ADGRL3: variants seen among roughly 807,000 people sequenced by gnomAD.
The protein encoded by ADGRL3 is calcium-independent alpha-latrotoxin receptor 3.
ADGRL3 carries 62 observed loss-of-function variants against 153.5 expected under a neutral mutation model. That is an observed-to-expected ratio of 0.40 (90% CI 0.33 to 0.50). The LOEUF (loss-of-function observed/expected upper bound fraction) is 0.50. Among genes scored for constraint, ADGRL3 ranks in the 20% least tolerant of loss-of-function variants. ADGRL3 has a pLI of 0.47. For missense variants in ADGRL3, 1,641 were observed against 1,859.4 expected (o/e 0.88, Z 2.16); for synonymous variants, 710 against 672.5 (o/e 1.06, Z -0.86).
intron 1 of ADGRL3, among the ~76,000 whole-genome samples, chr4:61,272,658 CT>C (rs2093257276): frequency 6.6e-6 from 1 of 152,062 alleles, no homozygotes; most frequent in Non-Finnish European, 1.5e-5. Context: ...AACATTGATT[CT>C]GCTGTTTTAT....
At chr4:61,552,740 C>T (rs2098745998) in intron 4 of ADGRL3, among the ~76,000 whole-genome samples, 1 of 152,040 alleles carries the variant, frequency 6.6e-6, no homozygotes, top group Admixed American at 6.6e-5. Context: ...AGATGCTGGA[C>T]TTATAGGCAT....
chr4:61,312,844 A>AT (rs1578224231), intron 1 of ADGRL3, among the ~76,000 whole-genome samples: 1 of 152,186 alleles, frequency 6.6e-6, no homozygotes, highest in African/African-American at 2.4e-5. Context: ...TACTCTTACC[A>AT]TACTATTCAG....
intron 3 of ADGRL3, among the ~76,000 whole-genome samples, chr4:61,505,335 A>T (rs1486970053): frequency 2.0e-5 from 3 of 152,024 alleles, no homozygotes; most frequent in African/African-American, 7.2e-5. Flanking sequence ...TTGTCAGATG[A>T]TAGTTTGCAA....
intron 4 of ADGRL3, among the ~76,000 whole-genome samples, chr4:61,542,565 C>T (rs750168847): frequency 3.3e-5 from 5 of 152,216 alleles, no homozygotes; most frequent in East Asian, 1.9e-4. Flanking sequence ...AATGCAGTCG[C>T]GATTGTACTA....
At chr4:61,673,640 A>T (rs1040267605) in intron 5 of ADGRL3, among the ~76,000 whole-genome samples, 2 of 151,588 alleles carry the variant, frequency 1.3e-5, no homozygotes, top group African/African-American at 4.8e-5. Flanking sequence ...AACTGAAGTC[A>T]TTTAAAAAAA....
chr4:61,929,601 C>G (rs755300989), intron 13 of ADGRL3, among the ~76,000 whole-genome samples: 2 of 152,138 alleles, frequency 1.3e-5, no homozygotes, highest in African/African-American at 2.4e-5. Context: ...ATCCCTCAGC[C>G]AAGAGTTAGG....
chr4:61,841,730 T>C (rs1189378459), intron 9 of ADGRL3, among the ~76,000 whole-genome samples: 1 of 152,220 alleles, frequency 6.6e-6, no homozygotes, highest in Non-Finnish European at 1.5e-5. Context: ...GAAAAAATAA[T>C]TTCCACTGCT....
intron 19 of ADGRL3, 138 bp from the exon 20 acceptor site, chr4:61,996,153 A>G (rs2099120907): frequency 4.9e-6 from 3 of 616,820 alleles, no homozygotes; most frequent in Non-Finnish European, 8.9e-6. Context: ...CAGCATTTAA[A>G]TGAACAAGCA....
chr4:61,781,258 A>G (rs2097209412), intron 8 of ADGRL3, among the ~76,000 whole-genome samples: 1 of 151,140 alleles, frequency 6.6e-6, no homozygotes, highest in Non-Finnish European at 1.5e-5. Flanking sequence ...CCGGGGAAGC[A>G]GAGGTTGCAG....
intron 1 of ADGRL3, among the ~76,000 whole-genome samples, chr4:61,266,210 G>C (rs1052686278): frequency 6.6e-6 from 1 of 151,650 alleles, no homozygotes; most frequent in Non-Finnish European, 1.5e-5. Flanking sequence ...TATATCCTAA[G>C]GGTCCGTATT....
At chr4:61,455,566 G>A (rs2097724931) in intron 2 of ADGRL3, among the ~76,000 whole-genome samples, 1 of 152,082 alleles carries the variant, frequency 6.6e-6, no homozygotes. Flanking sequence ...CTGGGAAGAA[G>A]TAGGCAATTA....
chr4:61,522,077 G>A (rs1481792277), intron 4 of ADGRL3, among the ~76,000 whole-genome samples: 3 of 152,076 alleles, frequency 2.0e-5, no homozygotes, highest in African/African-American at 7.2e-5. Flanking sequence ...CTACTTCCCA[G>A]TAATACCTAG....
intron 1 of ADGRL3, among the ~76,000 whole-genome samples, chr4:61,350,343 G>GTTTTTTTTTTTTTTTTTTTTTTTT (rs34524532): frequency 7.8e-6 from 1 of 127,840 alleles, no homozygotes. Context: ...TCTGATGGAG[G>GTTTTTTTTTTTTTTTTTTTTTTTT]TTTTTTTTTT....
In ADGRL3 at chr4:62,073,373, T is replaced by C. The variant is rs2151944393; in HGVS notation, c.*2465T>C. On this transcript the variant is annotated 3_prime_UTR_variant, in exon 27 of 27. Coordinates refer to ENST00000683033, the MANE Select transcript of ADGRL3 (RefSeq NM_001387552.1). Reference sequence around the variant, plus strand: ...ACAAGCGTTAATGATAATTAGGTTTTCTCACACCACACTATGGCAATATTA... The same window carrying C: ...ACAAGCGTTAATGATAATTAGGTTTCCTCACACCACACTATGGCAATATTA... 1 of 152,254 alleles carries C rather than the reference T, an allele frequency of 6.6e-6. No individual in the cohort carries two copies. Among genetic ancestry groups the C allele is most frequent in the Middle Eastern group, 3.4e-3 (1 of 294 alleles). The allele number at this position is 152,254 out of a possible 1,614,324, so 9.4% of individuals were successfully genotyped here.
intron 17 of ADGRL3, among the ~76,000 whole-genome samples, chr4:61,965,245 C>T (rs558360778): frequency 6.9e-4 from 105 of 152,032 alleles, no homozygotes; most frequent in African/African-American, 2.2e-3. Context: ...GCGATCCCCC[C>T]GCCATTTCCT....
intron 13 of ADGRL3, among the ~76,000 whole-genome samples, chr4:61,913,744 A>T (rs1037747327): frequency 1.3e-5 from 2 of 152,114 alleles, no homozygotes; most frequent in Non-Finnish European, 2.9e-5. Context: ...GGTAGTACAG[A>T]ATTGAGAACT....
intron 8 of ADGRL3, among the ~76,000 whole-genome samples, chr4:61,786,697 C>T (rs571423247): frequency 6.6e-6 from 1 of 152,256 alleles, no homozygotes; most frequent in South Asian, 2.1e-4. Context: ...GTAGCTCTTA[C>T]CCCATAGATG....
intron 2 of ADGRL3, among the ~76,000 whole-genome samples, chr4:61,392,715 A>AAAAT (rs1335469645): frequency 6.8e-6 from 1 of 146,842 alleles, no homozygotes; most frequent in African/African-American, 2.5e-5. Context: ...AAGAAAAAGG[A>AAAAT]AAATAAAGAA....
At chr4:61,974,061 G>A (rs998894867) in intron 17 of ADGRL3, among the ~76,000 whole-genome samples, 2 of 151,996 alleles carry the variant, frequency 1.3e-5, no homozygotes, top group Non-Finnish European at 2.9e-5. Flanking sequence ...TCCACCTCCC[G>A]GGCTCAAGCC....
Sources: gnomAD v4.1 joint callset for allele counts (sites outside exome capture counted in the v4.1 genomes callset) on GRCh38, gnomAD v4.1.1 for gene constraint, MANE v1.5 for transcripts, NCBI Gene and HGNC (gene_info 2026-07-23, HGNC 2026-07-21) for gene names.